The following MME variants were observed in gnomAD, a reference collection of about 807,000 sequenced individuals.
MME encodes neprilysin.
Under a neutral mutation model 113.2 loss-of-function variants are expected in MME, and 98 were observed. That is an observed-to-expected ratio of 0.87 (90% CI 0.74 to 1.02). MME has a LOEUF of 1.02. MME is among the 50% of genes least tolerant of loss of function. MME has a pLI of 0.00. For synonymous variants in MME, 292 were observed against 300.6 expected (o/e 0.97, Z 0.30); for missense variants, 836 against 896.0 (o/e 0.93, Z 0.86).
In MME at chr3:155,033,989, T is replaced by C. The variant is rs546726443; in HGVS notation, c.-11+9665T>C. Among the ~76,000 whole-genome samples the C allele has an allele frequency of 2.0e-5, 3 of 152,234 alleles. No homozygotes were observed. The South Asian group carries it at 6.2e-4, about 32-fold the overall frequency. ...CAACAGATTCAAAATTAGCGTATTA[T>C]CTCAATTAATATATGCAGCACACTA... is the stretch of plus-strand genomic sequence containing the variant. On this transcript the variant is annotated intron_variant, in intron 1 of 22. Coordinates refer to the MME transcript ENST00000492661.
chr3:155,147,183 A>G lies in MME; in HGVS notation c.1456A>G (p.Ile486Val), dbSNP rs760784112. The G allele has an allele frequency of 6.2e-7, 1 of 1,608,974 alleles. No homozygotes were observed. The highest frequency in any genetic ancestry group is 2.2e-5 in the East Asian group (1 of 44,766). The change falls in exon 15 of 23, where the codon ATT becomes GTT. Residue 486 changes from isoleucine (I) to valine (V), a missense_variant. Ile to Val is a conservative substitution (Grantham distance 29). Coordinates refer to ENST00000360490, the MANE Select transcript of MME (RefSeq NM_007289.4). ...AGAAAGGATCGGCTATCCTGATGACATTGTTTCAAATGATAACAAACTGAA... is the reference window on the plus strand; with the variant it reads ...AGAAAGGATCGGCTATCCTGATGACGTTGTTTCAAATGATAACAAACTGAA... Reference protein sequence around the residue: ...IKERIGYPDDIVSNDNKLNNE... With the variant: ...IKERIGYPDDVVSNDNKLNNE...
In MME at chr3:155,147,074, T is replaced by C. The variant is rs1005780338; in HGVS notation, c.1417-70T>C. ...GATCAAGTTATTCAATTGCTAGTCA[T>C]GGGCAGATTATAAATTTGTATCTGA... is the stretch of plus-strand genomic sequence containing the variant. On this transcript the variant is annotated intron_variant, in intron 14 of 22. Coordinates refer to ENST00000360490, the MANE Select transcript of MME (RefSeq NM_007289.4). 6.1e-6 allele frequency: 6 copies of C among 979,166 alleles called. No homozygotes were observed. The African/African-American group carries it at 9.6e-5, about 16-fold the overall frequency. 60.7% of individuals were successfully genotyped at this position (979,166 alleles called of 1,614,324 possible). A position where few individuals can be genotyped will look rare whatever the true frequency, so the allele number is the denominator to read the frequency against.
intron 22 of MME, among the ~76,000 whole-genome samples, chr3:155,174,361 TGTGTG>T (rs1316381950): frequency 6.2e-5 from 9 of 146,168 alleles, no homozygotes; most frequent in African/African-American, 2.2e-4. Flanking sequence ...TGTGTGTGTG[TGTGTG>T]TGTGTGTGTG....
intron 13 of MME, 51 bp from the exon 14 acceptor site, chr3:155,144,308 G>T: frequency 8.1e-7 from 1 of 1,228,064 alleles, no homozygotes; most frequent in Non-Finnish European, 1.2e-6. Flanking sequence ...AAAAATCTGT[G>T]TTACAAAGAA....
At chr3:155,105,694 C>T (rs1401504483) in intron 3 of MME, among the ~76,000 whole-genome samples, 8 of 152,074 alleles carry the variant, frequency 5.3e-5, no homozygotes, top group Admixed American at 4.6e-4. Flanking sequence ...AATCACTTAC[C>T]GTCAATTTCT....
chr3:155,029,034 T>C (rs1198984256), intron 1 of MME, among the ~76,000 whole-genome samples: 1 of 152,146 alleles, frequency 6.6e-6, no homozygotes, highest in Non-Finnish European at 1.5e-5. Context: ...CTTTTAATCT[T>C]TGATAGAAAG....
chr3:155,079,979 C>T (rs567181239), upstream of MME: 100 of 152,540 alleles, frequency 6.6e-4, no homozygotes, highest in Admixed American at 1.2e-3. Context: ...TCAGCAGCCT[C>T]CAACTTCTCC....
chr3:155,114,662 G>C (rs1317064687), intron 3 of MME, among the ~76,000 whole-genome samples: 1 of 152,158 alleles, frequency 6.6e-6, no homozygotes, highest in Non-Finnish European at 1.5e-5. Context: ...TCAGGTGCAG[G>C]ATGGCCAACT....
chr3:155,067,328 G>T (rs9828531), intron 1 of MME, among the ~76,000 whole-genome samples: 111,116 of 115,498 alleles, frequency 0.96, 53,368 homozygotes, highest in Middle Eastern at 0.98. Context: ...TTTTTTTTTG[G>T]GAGACTGAGT....
intron 1 of MME, among the ~76,000 whole-genome samples, chr3:155,055,957 TTGTTTTTACTTTAACTGCTC>T (rs1713912904): frequency 6.6e-6 from 1 of 152,204 alleles, no homozygotes; most frequent in East Asian, 1.9e-4. Context: ...GTTTGTTTGT[TTGTTTTTACTTTAACTGCTC>T]TTAGGATGTA....
intron 8 of MME, among the ~76,000 whole-genome samples, chr3:155,134,907 G>A (rs557628035): frequency 2.6e-5 from 4 of 152,036 alleles, no homozygotes; most frequent in Admixed American, 6.6e-5. Context: ...ATGTTGTCTC[G>A]TACATTTGTT....
rs368721490 is a variant in MME, at chr3:155,034,991, C to T, written c.-11+10667C>T. On this transcript the variant is annotated intron_variant, in intron 1 of 22. Coordinates refer to the MME transcript ENST00000492661. ...ACAATGGATTATTTATGTTTACCATCGACTCAGGAAGGGAATGTACCAGCA... is the reference window on the plus strand; with the variant it reads ...ACAATGGATTATTTATGTTTACCATTGACTCAGGAAGGGAATGTACCAGCA... Among the ~76,000 whole-genome samples the T allele has an allele frequency of 3.9e-5, 6 of 152,036 alleles. No homozygotes were observed. The East Asian group carries it at 5.8e-4, about 15-fold the overall frequency.
chr3:155,051,048 C>T (rs879632219), intron 1 of MME, among the ~76,000 whole-genome samples: 5 of 152,048 alleles, frequency 3.3e-5, no homozygotes, highest in African/African-American at 4.8e-5. Flanking sequence ...TTTATCTTTG[C>T]CGCTCGTAGA....
At chr3:155,151,199 C>T (rs1458953447) in intron 16 of MME, among the ~76,000 whole-genome samples, 1 of 152,218 alleles carries the variant, frequency 6.6e-6, no homozygotes, top group East Asian at 1.9e-4. Flanking sequence ...TCCACATAGC[C>T]CGTAGTTACA....
intron 14 of MME, among the ~76,000 whole-genome samples, chr3:155,146,872 C>A (rs1352429509): frequency 6.6e-6 from 1 of 151,980 alleles, no homozygotes; most frequent in Non-Finnish European, 1.5e-5. Context: ...ATATGTGGAA[C>A]AATGAGTTTT....
chr3:155,044,630 C>T (rs201730501), intron 1 of MME, among the ~76,000 whole-genome samples: 8 of 152,174 alleles, frequency 5.3e-5, no homozygotes, highest in Non-Finnish European at 1.0e-4. Context: ...AGCGATTCTC[C>T]TGCCTCAGCC....
intron 8 of MME, 102 bp downstream of exon 8, chr3:155,118,913 G>A (rs553808687): frequency 1.9e-5 from 15 of 778,310 alleles, no homozygotes; most frequent in African/African-American, 1.7e-4. Flanking sequence ...GCCCTCTGAT[G>A]TTTTTCATTC....
At chr3:155,146,120 C>G (rs1010269097) in intron 14 of MME, among the ~76,000 whole-genome samples, 5 of 151,630 alleles carry the variant, frequency 3.3e-5, no homozygotes, top group African/African-American at 1.2e-4. Context: ...TTGAGAAAAT[C>G]AAGAGAGAAA....
intron 8 of MME, among the ~76,000 whole-genome samples, chr3:155,133,062 A>AAATATATATATATAAATATATAT (rs1553762419): frequency 1.3e-5 from 1 of 75,102 alleles, no homozygotes; most frequent in African/African-American, 6.6e-5. Flanking sequence ...AAAAAAAAAA[A>AAATATATATATATAAATATATAT]ATATATATAT....
Sources: gnomAD v4.1 joint callset for allele counts (sites outside exome capture counted in the v4.1 genomes callset) on GRCh38, gnomAD v4.1.1 for gene constraint, MANE v1.5 for transcripts, NCBI Gene and HGNC (gene_info 2026-07-23, HGNC 2026-07-21) for gene names.